Variants in SMARCAD1 observed in about 807,000 individuals in gnomAD.
SMARCAD1 encodes the protein SNF2 related chromatin remodeling ATPase with DExD box 1.
Under a neutral mutation model 127.1 loss-of-function variants are expected in SMARCAD1, and 25 were observed. The ratio of observed to expected loss-of-function variants is 0.20; its 90% CI spans 0.14 to 0.27. The LOEUF (loss-of-function observed/expected upper bound fraction) is 0.27, where lower values mean the gene tolerates loss of function less well. SMARCAD1 is among the 10% of genes least tolerant of loss of function. SMARCAD1 has a pLI of 1.00. For synonymous variants in SMARCAD1, 400 were observed against 396.9 expected (o/e 1.01, Z -0.09); for missense variants, 807 against 1,206.0 (o/e 0.67, Z 4.90).
chr4:94,287,173 A>G (rs1434140877), intron 23 of SMARCAD1, among the ~76,000 whole-genome samples: 1 of 152,026 alleles, frequency 6.6e-6, no homozygotes, highest in African/African-American at 2.4e-5. Flanking sequence ...AGCTGTTTAT[A>G]TGTGTTTTTC....
intron 4 of SMARCAD1, among the ~76,000 whole-genome samples, chr4:94,235,208 A>G (rs1746443698): frequency 7.5e-6 from 1 of 134,124 alleles, no homozygotes; most frequent in African/African-American, 2.8e-5. Flanking sequence ...TCCCTCTCCC[A>G]GTCCCAGGCA....
Position 94,207,906 on chromosome 4 carries a change from C to G in SMARCAD1, c.-214C>G. On this transcript the variant is annotated 5_prime_UTR_variant, in exon 1 of 24. Transcript: ENST00000354268. ...GGATGCCCGCCAGCACGGCCTCCGCCGCTCCCCTTCTTTGGCCCCTTTGTG... is the reference window on the plus strand; with the variant it reads ...GGATGCCCGCCAGCACGGCCTCCGCGGCTCCCCTTCTTTGGCCCCTTTGTG... The G allele has an allele frequency of 3.0e-6, 1 of 336,826 alleles. No individual in the cohort carries two copies. The highest frequency in any genetic ancestry group is 5.8e-6 in the Non-Finnish European group (1 of 171,722). 20.9% of individuals were successfully genotyped at this position (336,826 alleles called of 1,614,324 possible). A position where few individuals can be genotyped will look rare whatever the true frequency, so the allele number is the denominator to read the frequency against.
intron 6 of SMARCAD1, 71 bp from the exon 7 acceptor site, chr4:94,249,583 A>G (rs781237929): frequency 3.6e-6 from 3 of 825,376 alleles, no homozygotes; most frequent in African/African-American, 1.7e-5. Context: ...TCAAAATACA[A>G]TGATAATTGC....
intron 5 of SMARCAD1, 59 bp from the exon 6 acceptor site, chr4:94,240,847 T>G: frequency 1.5e-6 from 2 of 1,313,596 alleles, no homozygotes; most frequent in Non-Finnish European, 2.2e-6. Flanking sequence ...TTGTTTTACA[T>G]TAAATTGATT....
chr4:94,258,999 C>G (rs939366314), intron 9 of SMARCAD1, among the ~76,000 whole-genome samples: 1 of 152,090 alleles, frequency 6.6e-6, no homozygotes, highest in Non-Finnish European at 1.5e-5. Context: ...ATATCCATGC[C>G]CACCCTATAG....
In SMARCAD1 at chr4:94,229,103, G is replaced by A. The variant is rs114575489; in HGVS notation, c.368+2807G>A. 3.6e-3 allele frequency among the ~76,000 whole-genome samples: 543 copies of A among 152,108 alleles called. 2 individuals carry two copies. Among genetic ancestry groups the A allele is most frequent in the African/African-American group, 0.013 (523 of 41,510 alleles). On this transcript the variant is annotated intron_variant, in intron 3 of 23. Transcript: ENST00000354268. Reference sequence around the variant, plus strand: ...GTTGAACTTTGATGACTCAATTAACGTGGCCCCTGCTAGGTTTTGTCTGTC... The same window carrying A: ...GTTGAACTTTGATGACTCAATTAACATGGCCCCTGCTAGGTTTTGTCTGTC...
intron 2 of SMARCAD1, among the ~76,000 whole-genome samples, chr4:94,221,229 TA>T (rs2125818999): frequency 6.6e-6 from 1 of 152,346 alleles, no homozygotes; most frequent in East Asian, 1.9e-4. Context: ...AGTAATTTTT[TA>T]ATATAATATC....
chr4:94,273,584 A>G (rs759128794), intron 11 of SMARCAD1, 33 bp from the exon 12 acceptor site: 82 of 1,474,584 alleles, frequency 5.6e-5, no homozygotes, highest in Middle Eastern at 1.7e-4. Context: ...TGTTTGTTTT[A>G]AAATGTTATA....
rs1178231159 is a variant in SMARCAD1 at position 94,289,694 on chromosome 4, A to G, written c.*160A>G. 4.0e-6 allele frequency: 3 copies of G among 741,632 alleles called. No individual in the cohort carries two copies. The highest frequency in any genetic ancestry group is 2.6e-5 in the East Asian group (1 of 37,776). 45.9% of individuals were successfully genotyped at this position (741,632 alleles called of 1,614,324 possible). ...TGGACAACTTTTTGCCACTAACTGAATTCTCCAAATACTCACACGTGAAAT... is the reference window on the plus strand; with the variant it reads ...TGGACAACTTTTTGCCACTAACTGAGTTCTCCAAATACTCACACGTGAAAT... On this transcript the variant is annotated 3_prime_UTR_variant, in exon 24 of 24. Coordinates refer to ENST00000354268, the MANE Select transcript of SMARCAD1 (RefSeq NM_020159.5).
chr4:94,286,918 G>A lies in SMARCAD1; in HGVS notation c.3019+1849G>A, dbSNP rs183500922. 4.8e-3 allele frequency among the ~76,000 whole-genome samples: 727 copies of A among 152,142 alleles called. 4 individuals carry two copies. The highest frequency in any genetic ancestry group is 0.016 in the African/African-American group (670 of 41,508). On this transcript the variant is annotated intron_variant, in intron 23 of 23. Coordinates refer to ENST00000354268, the MANE Select transcript of SMARCAD1 (RefSeq NM_020159.5). ...CTTGCTCTGTCGCCCAGACTGGAGT[G>A]CAGAGGCGCAATCTCCGCGCACTGC...
chr4:94,208,666 C>T, intron 2 of SMARCAD1, 82 bp downstream of exon 2: 2 of 1,302,096 alleles, frequency 1.5e-6, no homozygotes, highest in Non-Finnish European at 2.2e-6. Context: ...CATTTTTATT[C>T]TTGATGTCAT....
chr4:94,237,126 T>G, intron 5 of SMARCAD1, 108 bp downstream of exon 5: 1 of 941,856 alleles, frequency 1.1e-6, no homozygotes, highest in Non-Finnish European at 1.7e-6. Flanking sequence ...TATGAATTCT[T>G]ACAGGAATTT....
At chr4:94,221,918 T>C (rs1253491879) in intron 2 of SMARCAD1, among the ~76,000 whole-genome samples, 2 of 152,134 alleles carry the variant, frequency 1.3e-5, no homozygotes, top group Non-Finnish European at 2.9e-5. Context: ...TGAGAAGAAA[T>C]GATAGGACAA....
intron 12 of SMARCAD1, among the ~76,000 whole-genome samples, chr4:94,274,188 A>G (rs1752942153): frequency 6.6e-6 from 1 of 152,188 alleles, no homozygotes. Context: ...TCAACTGTAA[A>G]TATAATATTT....
chr4:94,244,284 A>G (rs1237347281), intron 6 of SMARCAD1, among the ~76,000 whole-genome samples: 1 of 152,224 alleles, frequency 6.6e-6, no homozygotes, highest in Admixed American at 6.5e-5. Flanking sequence ...TAATGATTTC[A>G]AACAGTGCTA....
chr4:94,233,819 C>T, intron 3 of SMARCAD1, 135 bp from the exon 4 acceptor site: 1 of 949,616 alleles, frequency 1.1e-6, no homozygotes, highest in Non-Finnish European at 1.6e-6. Context: ...AGGTCTCTTT[C>T]TGACAAGTAT....
At position 94,253,184 on chromosome 4, in the gene SMARCAD1, A is replaced by G. The variant is rs1749537357; in HGVS notation, c.1281+177A>G. ...TATTTCAAATAGTGTCATATGACCTAATTTTGAATGAATTAAGGGGTGATT... is the reference window on the plus strand; with the variant it reads ...TATTTCAAATAGTGTCATATGACCTGATTTTGAATGAATTAAGGGGTGATT... On this transcript the variant is annotated intron_variant, in intron 9 of 23. Transcript: ENST00000354268. 7 of 1,499,960 alleles carry G rather than the reference A, an allele frequency of 4.7e-6. No individual in the cohort carries two copies. In the South Asian group the frequency reaches 8.4e-5, roughly 18 times the overall value. 92.9% of individuals were successfully genotyped at this position (1,499,960 alleles called of 1,614,324 possible). A position where few individuals can be genotyped will look rare whatever the true frequency, so the allele number is the denominator to read the frequency against.
intron 8 of SMARCAD1, among the ~76,000 whole-genome samples, chr4:94,251,059 C>G (rs1749206807): frequency 6.6e-6 from 1 of 152,112 alleles, no homozygotes; most frequent in Non-Finnish European, 1.5e-5. Context: ...ATATCTTTTT[C>G]TATTTGTTCA....
intron 3 of SMARCAD1, 41 bp downstream of exon 3, chr4:94,226,337 A>C: frequency 6.5e-7 from 1 of 1,529,694 alleles, no homozygotes; most frequent in Non-Finnish European, 9.0e-7. Flanking sequence ...CATGTGTGTG[A>C]GATTTTCCAA....
Sources: gnomAD v4.1 joint callset for allele counts (sites outside exome capture counted in the v4.1 genomes callset) on GRCh38, gnomAD v4.1.1 for gene constraint, MANE v1.5 for transcripts, NCBI Gene and HGNC (gene_info 2026-07-23, HGNC 2026-07-21) for gene names.